The following KALRN variants were observed in gnomAD, a reference collection of about 807,000 sequenced individuals.
The protein encoded by KALRN is kalirin.
KALRN carries 70 observed loss-of-function variants against 353.7 expected under a neutral mutation model. That is an observed-to-expected ratio of 0.20 (90% confidence interval 0.16 to 0.24). The LOEUF (loss-of-function observed/expected upper bound fraction) is 0.24, where lower values mean the gene tolerates loss of function less well. KALRN is among the 10% of genes least tolerant of loss of function. The pLI, the probability that KALRN is intolerant of heterozygous loss-of-function variation, is 1.00. For missense variants in KALRN, 2,791 were observed against 3,756.7 expected (o/e 0.74, Z 6.72); for synonymous variants, 1,391 against 1,434.8 (o/e 0.97, Z 0.69).
intron 3 of KALRN, among the ~76,000 whole-genome samples, chr3:124,250,513 C>T (rs2070992123): frequency 6.6e-6 from 1 of 152,214 alleles, no homozygotes; most frequent in African/African-American, 2.4e-5. Flanking sequence ...TCTCTTACTC[C>T]ACGTTTTAGA....
At chr3:124,568,891 A>G (rs1459894603) in intron 34 of KALRN, among the ~76,000 whole-genome samples, 2 of 152,162 alleles carry the variant, frequency 1.3e-5, no homozygotes, top group Non-Finnish European at 2.9e-5. Context: ...AAGATGAAAA[A>G]TGTTCTGGAG....
Position 124,468,504 on chromosome 3 carries a change from C to T in KALRN, c.4031+5871C>T, listed in dbSNP as rs185998071. On this transcript the variant is annotated intron_variant, in intron 25 of 59. Coordinates refer to ENST00000682506, the MANE Select transcript of KALRN (RefSeq NM_001388419.1). ...CCTACCCCTTCCCAACACACACACC[C>T]TTGCTTAAAATGTGCATGTTCTATG... Among the ~76,000 whole-genome samples the T allele has an allele frequency of 2.0e-5, 3 of 152,340 alleles. No individual in the cohort carries two copies. In the East Asian group the frequency reaches 5.8e-4, roughly 29 times the overall value.
chr3:124,225,066 G>A (rs1471565221), intron 1 of KALRN, among the ~76,000 whole-genome samples: 2 of 152,150 alleles, frequency 1.3e-5, no homozygotes, highest in African/African-American at 4.8e-5. Context: ...CATTGGTCCT[G>A]TTTGAGTTAG....
chr3:124,043,884 G>T (rs182954094), intron 1 of KALRN, among the ~76,000 whole-genome samples: 1 of 152,278 alleles, frequency 6.6e-6, no homozygotes, highest in East Asian at 1.9e-4. Context: ...AGCGGGGAAA[G>T]AAGTAAGTGA....
intron 1 of KALRN, among the ~76,000 whole-genome samples, chr3:124,206,851 T>C (rs573363488): frequency 7.6e-4 from 115 of 151,872 alleles, no homozygotes; most frequent in African/African-American, 2.6e-3. Context: ...CATTTCCATT[T>C]AGTCACTTAT....
At chr3:124,544,006 A>G (rs757823950) in intron 33 of KALRN, among the ~76,000 whole-genome samples, 16 of 152,326 alleles carry the variant, frequency 1.1e-4, no homozygotes, top group Non-Finnish European at 1.6e-4. Context: ...CTAGTTGCAG[A>G]GCATGACCCA....
At chr3:124,351,261 G>A (rs2082804255) in intron 10 of KALRN, among the ~76,000 whole-genome samples, 1 of 152,144 alleles carries the variant, frequency 6.6e-6, no homozygotes, top group Non-Finnish European at 1.5e-5. Context: ...CCAAAGCATG[G>A]ACACTCTTGT....
At chr3:124,440,815 A>G (rs979593727) in intron 18 of KALRN, among the ~76,000 whole-genome samples, 4 of 151,708 alleles carry the variant, frequency 2.6e-5, no homozygotes, top group African/African-American at 9.7e-5. Context: ...TTACAACCAG[A>G]AAAAAAACCT....
intron 1 of KALRN, among the ~76,000 whole-genome samples, chr3:124,106,591 A>G (rs144524997): frequency 7.2e-5 from 11 of 152,240 alleles, no homozygotes; most frequent in African/African-American, 2.6e-4. Flanking sequence ...TCCCTTCTAT[A>G]TAAAGCCTTG....
At chr3:124,104,508 T>C (rs78158802) in intron 1 of KALRN, among the ~76,000 whole-genome samples, 136 of 79,678 alleles carry the variant, frequency 1.7e-3, no homozygotes, top group African/African-American at 0.01. Flanking sequence ...AGCATCTGTG[T>C]GATAAGAGTT....
At chr3:124,226,027 C>T (rs936082409) in intron 1 of KALRN, among the ~76,000 whole-genome samples, 8 of 151,902 alleles carry the variant, frequency 5.3e-5, no homozygotes, top group East Asian at 3.9e-4. Flanking sequence ...TAGAGGAAAG[C>T]GTTTTAAAAT....
chr3:124,329,750 C>A, intron 7 of KALRN, 111 bp from the exon 8 acceptor site: 1 of 1,274,324 alleles, frequency 7.8e-7, no homozygotes, highest in Non-Finnish European at 1.1e-6. Context: ...TCTCTGAAGG[C>A]TTTCAGAAGT....
At chr3:124,614,035 G>A (rs2078283479) in intron 34 of KALRN, among the ~76,000 whole-genome samples, 1 of 152,178 alleles carries the variant, frequency 6.6e-6, no homozygotes, top group South Asian at 2.1e-4. Flanking sequence ...AGACTCATGG[G>A]TTGAGTATAA....
chr3:124,567,990 G>A (rs1475712485), intron 34 of KALRN, among the ~76,000 whole-genome samples: 49 of 127,032 alleles, frequency 3.9e-4, no homozygotes, highest in Non-Finnish European at 7.2e-4. Context: ...GAAAAAAAAA[G>A]AAGAAGAACA....
chr3:124,679,423 C>G, intron 50 of KALRN, 35 bp from the exon 51 acceptor site: 1 of 1,590,400 alleles, frequency 6.3e-7, no homozygotes, highest in Non-Finnish European at 8.6e-7. Context: ...TAACTGTGTT[C>G]TCTTTCTTCC....
At chr3:124,260,402 T>C (rs955208840) in intron 3 of KALRN, among the ~76,000 whole-genome samples, 25 of 152,146 alleles carry the variant, frequency 1.6e-4, no homozygotes, top group Non-Finnish European at 1.5e-5. Context: ...CAGCCCTACA[T>C]GGCAGGGGGA....
intron 38 of KALRN, among the ~76,000 whole-genome samples, chr3:124,654,372 C>T (rs554960494): frequency 1.8e-4 from 28 of 152,306 alleles, no homozygotes; most frequent in Admixed American, 1.4e-3. Context: ...TGGGGCTATA[C>T]GGAGCAAGAG....
intron 10 of KALRN, among the ~76,000 whole-genome samples, chr3:124,366,215 TA>T (rs1297801882): frequency 4.6e-5 from 7 of 151,848 alleles, no homozygotes; most frequent in Admixed American, 1.3e-4. Flanking sequence ...TTTTTTAATT[TA>T]TTTTTTTATT....
intron 34 of KALRN, among the ~76,000 whole-genome samples, chr3:124,577,545 T>G (rs2074237161): frequency 6.6e-6 from 1 of 152,172 alleles, no homozygotes; most frequent in Admixed American, 6.5e-5. Context: ...AAATAACGCA[T>G]ATTACCTGGG....
Sources: gnomAD v4.1 joint callset for allele counts (sites outside exome capture counted in the v4.1 genomes callset) on GRCh38, gnomAD v4.1.1 for gene constraint, MANE v1.5 for transcripts, NCBI Gene and HGNC (gene_info 2026-07-23, HGNC 2026-07-21) for gene names.